The following CHAT variants were observed in gnomAD, a reference collection of about 807,000 sequenced individuals.
The protein encoded by CHAT is choline O-acetyltransferase, also known as acetyl CoA:choline O-acetyltransferase.
In CHAT, 61 loss-of-function variants were observed where a neutral mutation model predicts 76.9. The ratio of observed to expected loss-of-function variants is 0.79; its 90% CI spans 0.65 to 0.98. The LOEUF (loss-of-function observed/expected upper bound fraction) is 0.98, where lower values mean the gene tolerates loss of function less well. CHAT is among the 50% of genes least tolerant of loss of function. The pLI is 0.00. For synonymous variants in CHAT, 407 were observed against 397.4 expected (o/e 1.02, Z -0.29); for missense variants, 946 against 986.9 (o/e 0.96, Z 0.56).
rs1838380393 is a variant in CHAT at position 49,614,132 on chromosome 10, T to C, written c.-58T>C. 17 of 1,542,870 alleles carry C rather than the reference T, an allele frequency of 1.1e-5. No individual in the cohort carries two copies. In the South Asian group the frequency reaches 2.0e-4, roughly 18 times the overall value. On this transcript the variant is annotated 5_prime_UTR_variant, in exon 1 of 15. Transcript: ENST00000337653. ...TTGCCCGAGTTCCTCCGGGAAGCGC[T>C]CCGGGTAGATTCTGGGGGCCGGGAG... is the stretch of plus-strand genomic sequence containing the variant.
rs144911528 is a variant in CHAT, at chr10:49,633,745, G to GC, written c.1111+5966dup. 3.3e-5 allele frequency among the ~76,000 whole-genome samples: 5 copies of GC among 152,202 alleles called. No individual in the cohort carries two copies. The South Asian group carries it at 1.0e-3, about 32-fold the overall frequency. ...AGGAAAAGAATGGCCAGCTTGGAGA[G>GC]CCCCCCAGCCCTCTGGCTTTCCTGG... On this transcript the variant is annotated intron_variant, in intron 7 of 14. Transcript: ENST00000337653.
intron 8 of CHAT, 43 bp downstream of exon 8, chr10:49,646,717 C>T: frequency 6.2e-7 from 1 of 1,605,524 alleles, no homozygotes; most frequent in Non-Finnish European, 8.5e-7. Flanking sequence ...GCCATGCCCC[C>T]AGCGAGAGAG....
At chr10:49,611,961 C>T (rs1838310515), upstream of CHAT, 2 of 1,613,116 alleles carry the variant, frequency 1.2e-6, no homozygotes, top group African/African-American at 1.3e-5. Context: ...CGCTCGCCTT[C>T]CTGGTGGACG....
intron 1 of CHAT, chr10:49,615,918 T>G: frequency 1.0e-6 from 1 of 967,056 alleles, no homozygotes; most frequent in Admixed American, 2.1e-5. Flanking sequence ...CTCCCTGCCC[T>G]GGCCACAGGC....
At chr10:49,663,519 G>A (rs756496082) in intron 14 of CHAT, among the ~76,000 whole-genome samples, 27 of 152,308 alleles carry the variant, frequency 1.8e-4, no homozygotes, top group Non-Finnish European at 2.9e-4. Flanking sequence ...ATTATAAAGG[G>A]CCACGCAACC....
chr10:49,615,857 C>G, intron 1 of CHAT: 1 of 614,108 alleles, frequency 1.6e-6, no homozygotes, highest in Non-Finnish European at 2.9e-6. Flanking sequence ...ACACTGGCAG[C>G]CTGCAGACCC....
rs368332144 is a variant in CHAT, at chr10:49,618,024, G to A, written c.387+1422G>A. On this transcript the variant is annotated intron_variant, in intron 2 of 14. Coordinates refer to ENST00000337653, the MANE Select transcript of CHAT (RefSeq NM_020549.5). ...CATTCACTCTGCAGCCTATGGGGAGGAACCCTTTACTGTCTCATGGAAACT... is the reference window on the plus strand; with the variant it reads ...CATTCACTCTGCAGCCTATGGGGAGAAACCCTTTACTGTCTCATGGAAACT... Among the ~76,000 whole-genome samples the A allele has an allele frequency of 2.0e-5, 3 of 152,318 alleles. No individual in the cohort carries two copies. In the East Asian group the frequency reaches 5.8e-4, roughly 29 times the overall value.
chr10:49,609,761 A>G (rs1056815441), upstream of CHAT, among the ~76,000 whole-genome samples: 1 of 151,752 alleles, frequency 6.6e-6, no homozygotes, highest in Non-Finnish European at 1.5e-5. Context: ...CAGGGGGCGG[A>G]GTCGGAGAAA....
rs779952434 is a variant in CHAT, at chr10:49,649,504, G to A, written c.1383-4G>A. 22 of 1,613,658 alleles carry A rather than the reference G, an allele frequency of 1.4e-5. No individual in the cohort carries two copies. Among genetic ancestry groups the A allele is most frequent in the South Asian group, 5.5e-5 (5 of 91,086 alleles). ...GCCTCAGGAGGTTGCCTCTGTGCCC[G>A]CAGGACGCAGAGCAGCAGGAAGCTG... On this transcript the variant is annotated splice_region_variant and splice_polypyrimidine_tract_variant and intron_variant, in intron 9 of 14. Transcript: ENST00000337653.
chr10:49,649,534 G>A lies in CHAT; in HGVS notation c.1409G>A (p.Arg470Gln), dbSNP rs774834313. Residue 470 changes from arginine to glutamine, a missense_variant, in exon 10 of 15, where the codon CGA becomes CAA. Arg to Gln is a conservative substitution (Grantham distance 43). This residue lies in a region of CHAT where 349 missense variants were observed against 393.9 expected (regional missense o/e 0.89). Transcript: ENST00000337653. The part of the protein sequence containing the change: ...HVTQSSRKLI[R>Q]ADSVSELPAP... Reference sequence around the variant, plus strand: ...ACGCAGAGCAGCAGGAAGCTGATCCGAGCAGACTCCGTCAGCGAGCTCCCC... The same window carrying A: ...ACGCAGAGCAGCAGGAAGCTGATCCAAGCAGACTCCGTCAGCGAGCTCCCC... The A allele has an allele frequency of 1.1e-5, 17 of 1,613,734 alleles. 1 individual carries two copies. Among genetic ancestry groups the A allele is most frequent in the Admixed American group, 5.0e-5 (3 of 60,006 alleles).
Position 49,651,949 on chromosome 10 carries a change from A to T in CHAT, c.1577A>T (p.Lys526Met). 6.2e-7 allele frequency: 1 copy of T among 1,614,246 alleles called. No individual in the cohort carries two copies. Among genetic ancestry groups the T allele is most frequent in the Non-Finnish European group, 8.5e-7 (1 of 1,180,022 alleles). ...AACTATGGGAAAACATTCATTAAGA[A>T]GCAGAAATGCAGCCCTGATGCCTTC... is the stretch of plus-strand genomic sequence containing the variant. Reference protein sequence around the residue: ...FDNYGKTFIKKQKCSPDAFIQ... With the variant: ...FDNYGKTFIKMQKCSPDAFIQ... Residue 526 changes from lysine to methionine, a missense_variant, in exon 11 of 15, where the codon AAG becomes ATG. Lys to Met is a moderately conservative substitution (Grantham distance 95). Coordinates refer to ENST00000337653, the MANE Select transcript of CHAT (RefSeq NM_020549.5).
chr10:49,638,252 A>G (rs1473036064), intron 7 of CHAT, among the ~76,000 whole-genome samples: 1 of 152,096 alleles, frequency 6.6e-6, no homozygotes, highest in Non-Finnish European at 1.5e-5. Context: ...TAAGATAGCC[A>G]TTTCTGCTTT....
chr10:49,611,478 G>C (rs1838294369), upstream of CHAT: 7 of 1,599,602 alleles, frequency 4.4e-6, no homozygotes, highest in Non-Finnish European at 5.9e-6. Context: ...TGCCCTTCTT[G>C]GTGCTAGCTG....
At chr10:49,612,643 C>A (rs2132690205), upstream of CHAT, 1 of 369,872 alleles carries the variant, frequency 2.7e-6, no homozygotes, top group East Asian at 4.3e-5. Flanking sequence ...TCCTTCCTTC[C>A]ATTGCTCCCA....
chr10:49,614,587 G>A, intron 1 of CHAT, 112 bp downstream of exon 1: 1 of 906,152 alleles, frequency 1.1e-6, no homozygotes, highest in South Asian at 1.6e-5. Context: ...AGGACTCGTG[G>A]AGTCCTCTGA....
intron 14 of CHAT, among the ~76,000 whole-genome samples, chr10:49,664,547 T>C (rs1414689551): frequency 6.6e-6 from 1 of 152,194 alleles, no homozygotes; most frequent in African/African-American, 2.4e-5. Flanking sequence ...ACTCCACAAG[T>C]AGAGCAGATT....
At chr10:49,664,001 C>T (rs534485994) in intron 14 of CHAT, among the ~76,000 whole-genome samples, 31 of 152,326 alleles carry the variant, frequency 2.0e-4, no homozygotes, top group African/African-American at 7.5e-4. Context: ...GCACACAGCA[C>T]CAGAAACCTG....
At chr10:49,640,397 C>T (rs1839440071) in intron 7 of CHAT, among the ~76,000 whole-genome samples, 1 of 152,064 alleles carries the variant, frequency 6.6e-6, no homozygotes, top group African/African-American at 2.4e-5. Flanking sequence ...ACTGGTCCAG[C>T]AAGAGAATGG....
At chr10:49,633,654 C>A (rs1839200851) in intron 7 of CHAT, among the ~76,000 whole-genome samples, 1 of 152,180 alleles carries the variant, frequency 6.6e-6, no homozygotes, top group Non-Finnish European at 1.5e-5. Flanking sequence ...ACCCGTTATC[C>A]TGGCCTGGAA....
Sources: gnomAD v4.1 joint callset for allele counts (sites outside exome capture counted in the v4.1 genomes callset) on GRCh38, gnomAD v4.1.1 for gene constraint, gnomAD v4.1.1 regional missense constraint, MANE v1.5 for transcripts, NCBI Gene and HGNC (gene_info 2026-07-23, HGNC 2026-07-21) for gene names.